Variants in PYHIN1 observed in about 807,000 individuals in gnomAD.
PYHIN1 encodes pyrin and HIN domain family member 1, also known as pyrin and HIN domain-containing protein 1.
Under a neutral mutation model 43.7 loss-of-function variants are expected in PYHIN1, and 32 were observed. The observed-to-expected ratio is 0.73, with a 90% CI of 0.55 to 0.98. PYHIN1 has a LOEUF of 0.98. Among genes scored for constraint, PYHIN1 ranks in the 50% least tolerant of loss-of-function variants. The pLI, the probability that PYHIN1 is intolerant of heterozygous loss-of-function variation, is 0.00. For synonymous variants in PYHIN1, 205 were observed against 203.1 expected (o/e 1.01, Z -0.08); for missense variants, 588 against 589.5 (o/e 1.00, Z 0.03).
At chr1:158,960,891 A>AGT (rs1350012292) in intron 7 of PYHIN1, among the ~76,000 whole-genome samples, 1 of 152,228 alleles carries the variant, frequency 6.6e-6, no homozygotes, top group East Asian at 1.9e-4. Context: ...TTGAGAAGAT[A>AGT]GTAACTCAAG....
chr1:158,987,338 T>G, the PYHIN1 span, among the ~76,000 whole-genome samples: 1 of 152,350 alleles, frequency 6.6e-6, no homozygotes, highest in East Asian at 1.9e-4. Flanking sequence ...TCAAAAATAC[T>G]TATTGGCTGT....
chr1:158,954,276 A>G (rs2101688746), intron 7 of PYHIN1, among the ~76,000 whole-genome samples: 1 of 60,500 alleles, frequency 1.7e-5, no homozygotes. Context: ...CCTCGAGAAG[A>G]GCAACTCCAA....
At chr1:158,968,605 A>G (rs1650765752) in intron 7 of PYHIN1, among the ~76,000 whole-genome samples, 2 of 152,132 alleles carry the variant, frequency 1.3e-5, no homozygotes, top group African/African-American at 4.8e-5. Context: ...CATATGCCCA[A>G]AGGAATATAA....
chr1:158,980,078 A>G (rs1048084596), downstream of PYHIN1, among the ~76,000 whole-genome samples: 3 of 152,176 alleles, frequency 2.0e-5, no homozygotes, highest in Non-Finnish European at 2.9e-5. Context: ...GCAGGAAGTC[A>G]GGGACCCCAA....
downstream of PYHIN1, among the ~76,000 whole-genome samples, chr1:158,977,325 A>G (rs1423771326): frequency 3.3e-5 from 5 of 152,110 alleles, no homozygotes; most frequent in African/African-American, 1.2e-4. Flanking sequence ...TCTTTTCAGA[A>G]TTGGACTCCT....
intron 6 of PYHIN1, 139 bp downstream of exon 6, chr1:158,944,117 C>T: frequency 2.1e-6 from 1 of 484,864 alleles, no homozygotes; most frequent in Non-Finnish European, 3.5e-6. Context: ...CTTGCGCTTA[C>T]ATTTAAATAG....
downstream of PYHIN1, among the ~76,000 whole-genome samples, chr1:158,979,165 G>T (rs1331209657): frequency 6.6e-6 from 1 of 152,152 alleles, no homozygotes; most frequent in Non-Finnish European, 1.5e-5. Flanking sequence ...ATAAGAGCAC[G>T]TGAGATCAAC....
chr1:158,957,004 A>T (rs1482946779), intron 7 of PYHIN1, among the ~76,000 whole-genome samples: 1 of 146,782 alleles, frequency 6.8e-6, no homozygotes, highest in Non-Finnish European at 1.5e-5. Flanking sequence ...CTCATTCACA[A>T]TTGCTTCAAA....
At chr1:158,986,277 T>C in the PYHIN1 span, among the ~76,000 whole-genome samples, 2 of 152,172 alleles carry the variant, frequency 1.3e-5, no homozygotes, top group South Asian at 4.1e-4. Context: ...GATGGGGCTC[T>C]TTTATTTTAT....
intron 7 of PYHIN1, among the ~76,000 whole-genome samples, chr1:158,949,045 T>A (rs1192357760): frequency 6.6e-6 from 1 of 152,080 alleles, no homozygotes; most frequent in Non-Finnish European, 1.5e-5. Flanking sequence ...ATAGTGTAAT[T>A]GTGACTGGAA....
rs1025945833 is a variant in PYHIN1, at chr1:158,938,510, G to A, written c.379G>A (p.Ala127Thr). The A allele has an allele frequency of 6.2e-7, 1 of 1,614,228 alleles. No individual in the cohort carries two copies. The highest frequency in any genetic ancestry group is 8.5e-7 in the Non-Finnish European group (1 of 1,180,030). ...PACTPSNRLT[A>T]KGAEETLGPQ... is the part of the protein sequence containing the mutation. Reference sequence around the variant, plus strand: ...ATGCACCCCAAGCAACCGTCTCACAGCTAAAGGAGCAGAGGAGACTCTTGG... The same window carrying A: ...ATGCACCCCAAGCAACCGTCTCACAACTAAAGGAGCAGAGGAGACTCTTGG... The change falls in exon 3 of 9, where the codon GCT (alanine) becomes ACT (threonine). Residue 127 changes from alanine (A) to threonine (T), a missense_variant. Coordinates refer to ENST00000368140, the MANE Select transcript of PYHIN1 (RefSeq NM_152501.5).
downstream of PYHIN1, among the ~76,000 whole-genome samples, chr1:158,980,469 A>G (rs916502032): frequency 2.6e-5 from 4 of 152,122 alleles, no homozygotes; most frequent in Admixed American, 6.6e-5. Context: ...ATATTGCTAA[A>G]TTCTTTTCCT....
chr1:158,977,775 A>G (rs1332963169), downstream of PYHIN1, among the ~76,000 whole-genome samples: 1 of 152,110 alleles, frequency 6.6e-6, no homozygotes, highest in African/African-American at 2.4e-5. Context: ...AAGCAAATTT[A>G]CTTTCGAAGT....
chr1:158,976,037 T>C (rs1212338856), intron 8 of PYHIN1, among the ~76,000 whole-genome samples: 1 of 152,110 alleles, frequency 6.6e-6, no homozygotes, highest in Non-Finnish European at 1.5e-5. Context: ...ACATACCTCA[T>C]AACAGTCCTA....
At chr1:158,955,058 T>C (rs376516380) in intron 7 of PYHIN1, among the ~76,000 whole-genome samples, 8 of 152,012 alleles carry the variant, frequency 5.3e-5, no homozygotes, top group East Asian at 1.9e-4. Context: ...CTAACTATCC[T>C]AAATATATAT....
chr1:158,960,789 T>C (rs1408386151), intron 7 of PYHIN1, among the ~76,000 whole-genome samples: 1 of 152,168 alleles, frequency 6.6e-6, no homozygotes, highest in Admixed American at 6.5e-5. Context: ...TCTGAGAAAA[T>C]TTTTTTAATA....
intron 4 of PYHIN1, among the ~76,000 whole-genome samples, chr1:158,940,944 A>T (rs1648875868): frequency 6.6e-6 from 1 of 152,196 alleles, no homozygotes; most frequent in Non-Finnish European, 1.5e-5. Context: ...CCCTTCATGC[A>T]GGTCTTGTAT....
chr1:158,977,486 A>G (rs1168740817), downstream of PYHIN1, among the ~76,000 whole-genome samples: 3 of 152,132 alleles, frequency 2.0e-5, no homozygotes, highest in African/African-American at 7.2e-5. Flanking sequence ...ACAGCTCCTC[A>G]GGAGCTCTCC....
rs150147904 is a variant in PYHIN1 at position 158,964,596 on chromosome 1, G to T, written c.1360-9051G>T. Among the ~76,000 whole-genome samples, 900 of 152,196 alleles carry T rather than the reference G, an allele frequency of 5.9e-3. 3 individuals carry two copies. Among genetic ancestry groups the T allele is most frequent in the Admixed American group, 0.01 (159 of 15,288 alleles). ...GGGACCTATATTCAGCATTCTTAAA[G>T]AAAATAATTTCCAAGCAAGAATTTC... On this transcript the variant is annotated intron_variant, in intron 7 of 8. Coordinates refer to ENST00000368140, the MANE Select transcript of PYHIN1 (RefSeq NM_152501.5).
Sources: gnomAD v4.1 joint callset for allele counts (sites outside exome capture counted in the v4.1 genomes callset) on GRCh38, gnomAD v4.1.1 for gene constraint, MANE v1.5 for transcripts, NCBI Gene and HGNC (gene_info 2026-07-23, HGNC 2026-07-21) for gene names.